POF1B: variants seen among roughly 807,000 people sequenced by gnomAD.
POF1B encodes protein POF1B.
POF1B carries 53 observed loss-of-function variants against 55.3 expected under a neutral mutation model. The ratio of observed to expected loss-of-function variants is 0.96; its 90% confidence interval spans 0.77 to 1.20. The LOEUF (loss-of-function observed/expected upper bound fraction) is 1.20, where lower values mean the gene tolerates loss of function less well. Among genes scored for constraint, POF1B ranks in the 50% most tolerant of loss-of-function variants. POF1B has a pLI of 0.00. For synonymous variants in POF1B, 188 were observed against 148.3 expected, an observed-to-expected ratio of 1.27 and a Z score of -1.95; for missense variants, 478 against 420.5, an observed-to-expected ratio of 1.14 and a Z score of -1.20.
intron 2 of POF1B, among the ~76,000 whole-genome samples, chrX:85,375,006 C>T (rs1933897183): frequency 9.0e-6 from 1 of 111,694 alleles, no homozygotes; most frequent in African/African-American, 3.3e-5. Flanking sequence ...ACTTCCTGTT[C>T]CTCCTTCTCT....
intron 5 of POF1B, among the ~76,000 whole-genome samples, chrX:85,350,189 C>T (rs1379843908): frequency 4.6e-5 from 5 of 108,486 alleles, no homozygotes; most frequent in African/African-American, 6.7e-5. Context: ...CCCCGTCCCC[C>T]CACCCCACAA....
chrX:85,299,290 CTT>C (rs755021082), intron 15 of POF1B, among the ~76,000 whole-genome samples: 1 of 62,009 alleles, frequency 1.6e-5, no homozygotes. Flanking sequence ...CTCCTGTTTT[CTT>C]TTTTTTTTTT....
At chrX:85,348,243 C>T in intron 5 of POF1B, among the ~76,000 whole-genome samples, 1 of 111,015 alleles carries the variant, frequency 9.0e-6, no homozygotes, top group African/African-American at 3.3e-5. Flanking sequence ...TCAATTCTTA[C>T]ACTAAAGTTC....
intron 3 of POF1B, among the ~76,000 whole-genome samples, chrX:85,360,297 C>G (rs946853688): frequency 9.4e-6 from 1 of 106,235 alleles, no homozygotes; most frequent in Non-Finnish European, 1.9e-5. Flanking sequence ...TTTACTAATC[C>G]TCTCCCTCCC....
chrX:85,304,280 T>C (rs1932522111), intron 14 of POF1B, 63 bp downstream of exon 14: 1 of 971,927 alleles, frequency 1.0e-6, no homozygotes, highest in Non-Finnish European at 1.3e-6. Flanking sequence ...GAAGTATTTA[T>C]CCTACAGTAC....
chrX:85,373,844 T>C (rs753162497), intron 2 of POF1B, among the ~76,000 whole-genome samples: 1 of 110,802 alleles, frequency 9.0e-6, no homozygotes, highest in Non-Finnish European at 1.9e-5. Flanking sequence ...TTGGTGAGGG[T>C]GAGGAGCAGG....
At chrX:85,318,177 A>T (rs1329842202) in intron 7 of POF1B, among the ~76,000 whole-genome samples, 3 of 111,520 alleles carry the variant, frequency 2.7e-5, no homozygotes, top group South Asian at 7.4e-4. Context: ...CCATGACACA[A>T]GTTTACCTAT....
chrX:85,317,168 T>A (rs1316920628), intron 7 of POF1B, among the ~76,000 whole-genome samples: 1 of 110,401 alleles, frequency 9.1e-6, no homozygotes, highest in African/African-American at 3.3e-5. Flanking sequence ...CTATTGTGAA[T>A]AGTGCTGCAA....
At chrX:85,292,562 T>C (rs1364656404) in intron 15 of POF1B, among the ~76,000 whole-genome samples, 1 of 111,668 alleles carries the variant, frequency 9.0e-6, no homozygotes, top group Admixed American at 9.5e-5. Flanking sequence ...ATCTGCCTAG[T>C]CCTGGCCTTT....
rs952636082 is a variant in POF1B at position 85,370,540 on chromosome X, G to T, written c.283-2774C>A. ...CATGAATTTAAATTGCATCAGTATGGATTTAGGCTGATCATAAGGGGGAAA... is the reference window on the plus strand; with the variant it reads ...CATGAATTTAAATTGCATCAGTATGTATTTAGGCTGATCATAAGGGGGAAA... On this transcript the variant is annotated intron_variant, in intron 2 of 16. Transcript: ENST00000262753. Among the ~76,000 whole-genome samples, 6 of 111,691 alleles carry T rather than the reference G, an allele frequency of 5.4e-5. No homozygotes were observed. The Admixed American group carries it at 5.7e-4, about 11-fold the overall frequency.
chrX:85,300,323 A>G (rs1254326828), intron 15 of POF1B, among the ~76,000 whole-genome samples: 2 of 111,742 alleles, frequency 1.8e-5, no homozygotes, highest in Non-Finnish European at 3.8e-5. Flanking sequence ...CGAGCTATAA[A>G]TTGCCTACCA....
Position 85,308,246 on chromosome X carries a change from T to C in POF1B, c.958-30A>G, listed in dbSNP as rs759622172. 17 of 987,334 alleles carry C rather than the reference T, an allele frequency of 1.7e-5. No individual in the cohort carries two copies. The Middle Eastern group carries it at 8.1e-4, about 47-fold the overall frequency. The allele number at this position is 987,334 out of a possible 1,213,427, so 81.4% of individuals were successfully genotyped here. On this transcript the variant is annotated intron_variant, in intron 9 of 16. Coordinates refer to ENST00000262753, the MANE Select transcript of POF1B (RefSeq NM_024921.4). ...AGGAAGAAAGGATTAATGGTTTAGT[T>C]TTATTAACATTTGAAAATAGGCAAT...
intron 6 of POF1B, among the ~76,000 whole-genome samples, chrX:85,335,943 C>G (rs990697793): frequency 1.8e-5 from 2 of 109,490 alleles, no homozygotes; most frequent in African/African-American, 6.6e-5. Flanking sequence ...AATACTAGAT[C>G]TTATTCTTTC....
At chrX:85,344,199 CAT>C (rs1454419291) in intron 6 of POF1B, among the ~76,000 whole-genome samples, 1 of 111,138 alleles carries the variant, frequency 9.0e-6, no homozygotes, top group African/African-American at 3.3e-5. Context: ...CTCCTTGTCA[CAT>C]GTCTTTCATG....
intron 14 of POF1B, 149 bp downstream of exon 14, chrX:85,304,194 A>G (rs1932519568): frequency 3.6e-6 from 2 of 548,149 alleles, no homozygotes; most frequent in Non-Finnish European, 2.5e-6. Flanking sequence ...TGTATATTCT[A>G]CTTCCTCACT....
chrX:85,334,695 A>G (rs907598810), intron 6 of POF1B, among the ~76,000 whole-genome samples: 2 of 111,350 alleles, frequency 1.8e-5, no homozygotes, highest in Non-Finnish European at 3.8e-5. Flanking sequence ...GTAATTTCAA[A>G]AGGAAGTCAT....
intron 6 of POF1B, among the ~76,000 whole-genome samples, chrX:85,338,923 T>C (rs1933121741): frequency 1.8e-5 from 2 of 111,322 alleles, no homozygotes; most frequent in African/African-American, 3.3e-5. Flanking sequence ...AAGTAGGCAA[T>C]TAAAAATGAT....
chrX:85,282,091 C>A, intron 16 of POF1B, 112 bp downstream of exon 16: 1 of 928,375 alleles, frequency 1.1e-6, no homozygotes, highest in South Asian at 4.6e-5. Context: ...AACAGAAAAT[C>A]TCAAAAGAAA....
chrX:85,346,415 C>T lies in POF1B; in HGVS notation c.541-373G>A, dbSNP rs376791636. ...CTAATTACATAAAACACTATAATAC[C>T]GAAGATATAGGTAAATTTAAAATTA... is the stretch of plus-strand genomic sequence containing the variant. On this transcript the variant is annotated intron_variant, in intron 5 of 16. Transcript: ENST00000262753. 1.9e-4 allele frequency among the ~76,000 whole-genome samples: 21 copies of T among 108,997 alleles called. No homozygotes were observed. In the East Asian group the frequency reaches 2.0e-3, roughly 11 times the overall value. The allele number at this position is 108,997 out of a possible 115,157, so 94.7% of individuals were successfully genotyped here. A position where few individuals can be genotyped will look rare whatever the true frequency, so the allele number is the denominator to read the frequency against.
Sources: allele counts gnomAD v4.1 joint callset (sites outside exome capture counted in the v4.1 genomes callset), GRCh38; gene constraint gnomAD v4.1.1; transcripts MANE v1.5; gene names NCBI Gene and HGNC (gene_info 2026-07-23, HGNC 2026-07-21).